The following FTCDNL1 variants were observed in gnomAD, a reference collection of about 807,000 sequenced individuals.
The protein encoded by FTCDNL1 is formiminotransferase N-terminal subdomain-containing protein.
Under a neutral mutation model 5.9 loss-of-function variants are expected in FTCDNL1, and 11 were observed. The ratio of observed to expected loss-of-function variants is 1.87; its 90% CI spans 1.18 to 3.10. The LOEUF (loss-of-function observed/expected upper bound fraction) is 3.10. FTCDNL1 is among the 30% of genes most tolerant of loss of function. The pLI is 0.00. For synonymous variants in FTCDNL1, 58 were observed against 24.8 expected, an observed-to-expected ratio of 2.34 and a Z score of -3.99; for missense variants, 115 against 65.5, an observed-to-expected ratio of 1.76 and a Z score of -2.61.
chr2:199,763,935 G>A (rs1698388967), intron 3 of FTCDNL1, among the ~76,000 whole-genome samples: 1 of 152,108 alleles, frequency 6.6e-6, no homozygotes, highest in Non-Finnish European at 1.5e-5. Context: ...TCCACCTCCC[G>A]GGTTCAATCA....
At chr2:199,695,829 T>C in the FTCDNL1 span, among the ~76,000 whole-genome samples, 7 of 152,230 alleles carry the variant, frequency 4.6e-5, no homozygotes, top group African/African-American at 1.7e-4. Context: ...AGGGCAGAGA[T>C]GCCCATCCCC....
At chr2:199,680,643 A>G in the FTCDNL1 span, among the ~76,000 whole-genome samples, 1 of 152,216 alleles carries the variant, frequency 6.6e-6, no homozygotes, top group East Asian at 1.9e-4. Context: ...ATGCAACAGG[A>G]GGAAATTTGT....
chr2:199,849,332 G>T (rs886288935), intron 1 of FTCDNL1, among the ~76,000 whole-genome samples: 7 of 152,048 alleles, frequency 4.6e-5, no homozygotes, highest in African/African-American at 1.7e-4. Flanking sequence ...AAACAGGTAT[G>T]TTTTTTTTGT....
intron 3 of FTCDNL1, among the ~76,000 whole-genome samples, chr2:199,845,330 G>A (rs2076702608): frequency 6.6e-6 from 1 of 152,078 alleles, no homozygotes; most frequent in Admixed American, 6.5e-5. Context: ...ACTTTGGGAG[G>A]CTGAGGCAGG....
At chr2:199,714,344 T>G in the FTCDNL1 span, among the ~76,000 whole-genome samples, 1 of 151,972 alleles carries the variant, frequency 6.6e-6, no homozygotes, top group Non-Finnish European at 1.5e-5. Flanking sequence ...AAAAAAATTA[T>G]GTCCAAAATT....
At chr2:199,710,619 G>C in the FTCDNL1 span, among the ~76,000 whole-genome samples, 1 of 152,056 alleles carries the variant, frequency 6.6e-6, no homozygotes, top group Non-Finnish European at 1.5e-5. Context: ...AGTAGAAAAG[G>C]CACTAGACCA....
At chr2:199,742,543 A>G in the FTCDNL1 span, among the ~76,000 whole-genome samples, 1 of 152,188 alleles carries the variant, frequency 6.6e-6, no homozygotes, top group South Asian at 2.1e-4. Context: ...TGATGATACT[A>G]CTACTAATAG....
chr2:199,670,647 T>C, the FTCDNL1 span, among the ~76,000 whole-genome samples: 1 of 152,268 alleles, frequency 6.6e-6, no homozygotes, highest in South Asian at 2.1e-4. Context: ...TCACAGACTT[T>C]GTATGTATGT....
chr2:199,749,264 A>C, the FTCDNL1 span, among the ~76,000 whole-genome samples: 286 of 152,312 alleles, frequency 1.9e-3, 1 homozygote, highest in Middle Eastern at 3.4e-3. Context: ...GGTAGACAGC[A>C]GATGCTTAAT....
At chr2:199,827,221 A>C (rs1702088987) in intron 3 of FTCDNL1, among the ~76,000 whole-genome samples, 1 of 152,224 alleles carries the variant, frequency 6.6e-6, no homozygotes, top group South Asian at 2.1e-4. Context: ...ATAAAGACAC[A>C]AATTAAATGA....
chr2:199,690,707 A>C, the FTCDNL1 span, among the ~76,000 whole-genome samples: 2 of 152,180 alleles, frequency 1.3e-5, no homozygotes, highest in African/African-American at 4.8e-5. Flanking sequence ...AGCCCCGAGA[A>C]AGCTAGGACC....
At chr2:199,783,723 T>C (rs959373874) in intron 3 of FTCDNL1, among the ~76,000 whole-genome samples, 1 of 152,118 alleles carries the variant, frequency 6.6e-6, no homozygotes, top group Non-Finnish European at 1.5e-5. Flanking sequence ...CAGGACACAA[T>C]TCTCCTCCTC....
the FTCDNL1 span, among the ~76,000 whole-genome samples, chr2:199,684,907 T>A: frequency 1.3e-5 from 2 of 152,302 alleles, no homozygotes; most frequent in South Asian, 4.1e-4. Context: ...TAGAAATAGA[T>A]CTAAACTGTA....
chr2:199,700,269 G>C, the FTCDNL1 span, among the ~76,000 whole-genome samples: 2 of 152,018 alleles, frequency 1.3e-5, no homozygotes, highest in African/African-American at 2.4e-5. Flanking sequence ...TCCAAATTGA[G>C]AGCTAAATCA....
Position 199,809,386 on chromosome 2 carries a change from C to T in FTCDNL1, c.*3319G>A, listed in dbSNP as rs2106441432. On this transcript the variant is annotated 3_prime_UTR_variant, in exon 5 of 5. Coordinates refer to ENST00000420128, the MANE Select transcript of FTCDNL1 (RefSeq NM_001363886.2). The stretch of plus-strand genomic sequence containing the variant: ...GATTACAGGAATGAGCCACCACACC[C>T]AGCCAAACTCTTTATTTTTAATTCC... 6.6e-6 allele frequency among the ~76,000 whole-genome samples: 1 copy of T among 152,144 alleles called. No individual in the cohort carries two copies. Among genetic ancestry groups the T allele is most frequent in the East Asian group, 1.9e-4 (1 of 5,178 alleles).
At chr2:199,831,748 T>G (rs1702385170) in intron 3 of FTCDNL1, among the ~76,000 whole-genome samples, 1 of 152,190 alleles carries the variant, frequency 6.6e-6, no homozygotes, top group African/African-American at 2.4e-5. Context: ...AATTTTAACC[T>G]TAACTGTAGT....
At chr2:199,728,579 A>G in the FTCDNL1 span, among the ~76,000 whole-genome samples, 1 of 152,156 alleles carries the variant, frequency 6.6e-6, no homozygotes, top group Non-Finnish European at 1.5e-5. Context: ...AAAACTCAGA[A>G]TGAAATTTAC....
chr2:199,665,869 ATAAC>A, the FTCDNL1 span, among the ~76,000 whole-genome samples: 1 of 138,040 alleles, frequency 7.2e-6, no homozygotes, highest in Non-Finnish European at 1.5e-5. Flanking sequence ...CTGTTACCTC[ATAAC>A]TAACTAATGT....
the FTCDNL1 span, among the ~76,000 whole-genome samples, chr2:199,670,316 T>C: frequency 6.6e-6 from 1 of 152,142 alleles, no homozygotes. Context: ...AACAATGAGA[T>C]TTTTAAACTT....
Sources: allele counts gnomAD v4.1 joint callset (sites outside exome capture counted in the v4.1 genomes callset), GRCh38; gene constraint gnomAD v4.1.1; transcripts MANE v1.5; gene names NCBI Gene and HGNC (gene_info 2026-07-23, HGNC 2026-07-21).